PDE3A: variants seen among roughly 807,000 people sequenced by gnomAD.
PDE3A encodes cGMP-inhibited 3',5'-cyclic phosphodiesterase 3A.
Under a neutral mutation model 98.3 loss-of-function variants are expected in PDE3A, and 43 were observed. The ratio of observed to expected loss-of-function variants is 0.44; its 90% CI spans 0.34 to 0.56. The LOEUF (loss-of-function observed/expected upper bound fraction) is 0.56. Ranked by LOEUF, PDE3A falls within the 20% of genes least tolerant of loss-of-function variation. The pLI is 0.01. For missense variants in PDE3A, 1,427 were observed against 1,440.7 expected, an observed-to-expected ratio of 0.99 and a Z score of 0.15; for synonymous variants, 663 against 567.9, an observed-to-expected ratio of 1.17 and a Z score of -2.38.
chr12:20,632,263 A>G (rs1232183328), intron 6 of PDE3A, among the ~76,000 whole-genome samples: 2 of 152,130 alleles, frequency 1.3e-5, no homozygotes, highest in Admixed American at 6.6e-5. Flanking sequence ...ACGTTTTTCT[A>G]TTTACACTCA....
chr12:20,578,817 C>T (rs1389008839), intron 2 of PDE3A, among the ~76,000 whole-genome samples: 4 of 152,036 alleles, frequency 2.6e-5, no homozygotes, highest in Non-Finnish European at 1.5e-5. Context: ...GAAAGGATGC[C>T]GTCCTGGGGG....
Position 20,652,132 on chromosome 12 carries a change from T to C in PDE3A, c.2925+1532T>C, listed in dbSNP as rs1208732902. Among the ~76,000 whole-genome samples, 474 of 152,276 alleles carry C rather than the reference T, an allele frequency of 3.1e-3. 4 individuals carry two copies. The highest frequency in any genetic ancestry group is 0.011 in the African/African-American group (458 of 41,558). ...TTTATGGCTGCATAGTATTCCATGG[T>C]GTATATGTGCCACATTTTCTTAATC... On this transcript the variant is annotated intron_variant, in intron 14 of 15. Coordinates refer to ENST00000359062, the MANE Select transcript of PDE3A (RefSeq NM_000921.5).
At chr12:20,663,285 G>A (rs1358885581) in intron 15 of PDE3A, among the ~76,000 whole-genome samples, 1 of 152,220 alleles carries the variant, frequency 6.6e-6, no homozygotes, top group African/African-American at 2.4e-5. Context: ...GAAATGTGGG[G>A]TTGGCGCCAC....
intron 1 of PDE3A, among the ~76,000 whole-genome samples, chr12:20,549,666 G>A (rs1226203017): frequency 6.6e-6 from 1 of 151,888 alleles, no homozygotes; most frequent in Non-Finnish European, 1.5e-5. Context: ...GAAAAAAGTA[G>A]CCATAGTGTA....
intron 15 of PDE3A, among the ~76,000 whole-genome samples, chr12:20,666,827 C>T (rs1427303728): frequency 2.6e-5 from 4 of 152,170 alleles, no homozygotes; most frequent in Non-Finnish European, 5.9e-5. Flanking sequence ...TGGTAGTTCT[C>T]TTTTGAGATT....
intron 1 of PDE3A, among the ~76,000 whole-genome samples, chr12:20,400,832 C>T (rs1463342655): frequency 1.3e-5 from 2 of 152,140 alleles, no homozygotes; most frequent in African/African-American, 4.8e-5. Flanking sequence ...CCTCATTTTG[C>T]TTCCCTTTGT....
At chr12:20,597,511 T>C (rs1943494257) in intron 2 of PDE3A, among the ~76,000 whole-genome samples, 1 of 152,216 alleles carries the variant, frequency 6.6e-6, no homozygotes, top group Admixed American at 6.5e-5. Context: ...TTTTCTTTTT[T>C]TGATCCTACT....
chr12:20,671,407 T>G (rs1203789216), intron 15 of PDE3A, among the ~76,000 whole-genome samples: 1 of 152,102 alleles, frequency 6.6e-6, no homozygotes, highest in Non-Finnish European at 1.5e-5. Context: ...AAAAGATAAT[T>G]TTAGACCAAT....
chr12:20,525,171 C>T (rs1170228303), intron 1 of PDE3A, among the ~76,000 whole-genome samples: 4 of 152,100 alleles, frequency 2.6e-5, no homozygotes, highest in Non-Finnish European at 5.9e-5. Context: ...TGCTCCGGAG[C>T]CTTGGGCAAG....
At position 20,656,224 on chromosome 12, in the gene PDE3A, G is replaced by A. The variant is rs183030412; in HGVS notation, c.3184+2019G>A. Among the ~76,000 whole-genome samples the A allele has an allele frequency of 3.2e-3, 489 of 152,188 alleles. 5 individuals carry two copies. The highest frequency in any genetic ancestry group is 0.011 in the African/African-American group (443 of 41,520). ...CAGTGAAAGACATTCTGATCATTTC[G>A]TGCCTATTTTTATCACAGTCAGGAT... is the stretch of plus-strand genomic sequence containing the variant. On this transcript the variant is annotated intron_variant, in intron 15 of 15. Coordinates refer to ENST00000359062, the MANE Select transcript of PDE3A (RefSeq NM_000921.5).
At chr12:20,377,036 T>A (rs1943584309) in intron 1 of PDE3A, among the ~76,000 whole-genome samples, 1 of 150,858 alleles carries the variant, frequency 6.6e-6, no homozygotes, top group Admixed American at 6.6e-5. Context: ...GATGACTGGT[T>A]ACAGGGGGCA....
chr12:20,621,560 A>T (rs948027622), intron 5 of PDE3A, 149 bp downstream of exon 5: 1 of 576,346 alleles, frequency 1.7e-6, no homozygotes, highest in Admixed American at 3.2e-5. Context: ...ATTTTTTAGA[A>T]GTCTCAATAA....
chr12:20,415,198 C>T (rs560912569), intron 1 of PDE3A, among the ~76,000 whole-genome samples: 1 of 152,046 alleles, frequency 6.6e-6, no homozygotes, highest in East Asian at 1.9e-4. Flanking sequence ...CAGGCTTTCC[C>T]ACGCTCCTTT....
chr12:20,416,601 A>T (rs1944425710), intron 1 of PDE3A, among the ~76,000 whole-genome samples: 1 of 152,192 alleles, frequency 6.6e-6, no homozygotes, highest in African/African-American at 2.4e-5. Context: ...GTGCTATATA[A>T]AACATAAAAC....
At chr12:20,407,217 A>G (rs978901629) in intron 1 of PDE3A, among the ~76,000 whole-genome samples, 3 of 152,194 alleles carry the variant, frequency 2.0e-5, no homozygotes, top group Admixed American at 6.5e-5. Flanking sequence ...AATGGGTACA[A>G]TATTTCCTAT....
chr12:20,556,985 T>C, intron 2 of PDE3A: 2 of 395,470 alleles, frequency 5.1e-6, no homozygotes, highest in Non-Finnish European at 9.0e-6. Flanking sequence ...CAGAATACAT[T>C]TTGATCAGCA....
At chr12:20,442,434 A>G (rs1265670363) in intron 1 of PDE3A, among the ~76,000 whole-genome samples, 1 of 152,164 alleles carries the variant, frequency 6.6e-6, no homozygotes, top group Non-Finnish European at 1.5e-5. Context: ...TCACAATCAC[A>G]TAGGAGAGGG....
At chr12:20,574,402 C>T (rs1466324888) in intron 2 of PDE3A, among the ~76,000 whole-genome samples, 2 of 151,998 alleles carry the variant, frequency 1.3e-5, no homozygotes, top group African/African-American at 4.8e-5. Flanking sequence ...ATTCCAAGTC[C>T]ACCACTGAAT....
intron 1 of PDE3A, among the ~76,000 whole-genome samples, chr12:20,390,877 T>C (rs958572025): frequency 8.5e-5 from 13 of 152,086 alleles, no homozygotes; most frequent in African/African-American, 3.1e-4. Flanking sequence ...TTTGGACATT[T>C]CAATTTGTGC....
Sources: gnomAD v4.1 joint callset for allele counts (sites outside exome capture counted in the v4.1 genomes callset) on GRCh38, gnomAD v4.1.1 for gene constraint, MANE v1.5 for transcripts, NCBI Gene and HGNC (gene_info 2026-07-23, HGNC 2026-07-21) for gene names.